The following RAD51B variants were observed in gnomAD, a reference collection of about 807,000 sequenced individuals.
The protein encoded by RAD51B is DNA repair protein RAD51 homolog 2.
RAD51B carries 38 observed loss-of-function variants against 42.2 expected under a neutral mutation model. The ratio of observed to expected loss-of-function variants is 0.90; its 90% CI spans 0.70 to 1.18. RAD51B has a LOEUF of 1.18. Ranked by LOEUF, RAD51B falls within the 50% of genes most tolerant of loss-of-function variation. The pLI, the probability that RAD51B is intolerant of heterozygous loss-of-function variation, is 0.00. For synonymous variants in RAD51B, 154 were observed against 145.2 expected (o/e 1.06, Z -0.43); for missense variants, 373 against 400.7 (o/e 0.93, Z 0.59).
intron 10 of RAD51B, among the ~76,000 whole-genome samples, chr14:68,564,460 G>C (rs544442972): frequency 1.3e-5 from 2 of 152,176 alleles, no homozygotes; most frequent in African/African-American, 4.8e-5. Context: ...AGCAGGGGAC[G>C]GGCTTGTGAG....
At chr14:68,245,187 G>T (rs2080470578) in intron 7 of RAD51B, among the ~76,000 whole-genome samples, 1 of 152,154 alleles carries the variant, frequency 6.6e-6, no homozygotes, top group Non-Finnish European at 1.5e-5. Context: ...AACAAATTGG[G>T]GTGGGTATAA....
At chr14:68,677,818 T>C (rs1265291811) in intron 11 of RAD51B, among the ~76,000 whole-genome samples, 1 of 152,218 alleles carries the variant, frequency 6.6e-6, no homozygotes, top group Non-Finnish European at 1.5e-5. Flanking sequence ...GTGTTACTGC[T>C]GTAGGCCTCT....
intron 5 of RAD51B, among the ~76,000 whole-genome samples, chr14:67,867,281 G>A (rs114194974): frequency 1.4e-3 from 216 of 152,282 alleles, no homozygotes; most frequent in African/African-American, 5.0e-3. Context: ...GCTTACTGCT[G>A]CAGATAACTG....
chr14:68,197,387 A>C (rs561446183), intron 7 of RAD51B, among the ~76,000 whole-genome samples: 1 of 152,146 alleles, frequency 6.6e-6, no homozygotes, highest in African/African-American at 2.4e-5. Flanking sequence ...AATGAGTAGT[A>C]TGCCATTGTA....
At position 68,521,878 on chromosome 14, in the gene RAD51B, C is replaced by T. The variant is rs1415980579; in HGVS notation, c.1036+53628C>T. ...TTGTTAGCCCCTCATATTAAACCTA[C>T]ATTAACCCTATGTTAAATGAAGTTA... On this transcript the variant is annotated intron_variant, in intron 10 of 10. Coordinates refer to the RAD51B transcript ENST00000487270. Among the ~76,000 whole-genome samples, 8 of 152,220 alleles carry T rather than the reference C, an allele frequency of 5.3e-5. No homozygotes were observed. In the East Asian group the frequency reaches 1.5e-3, roughly 29 times the overall value.
In RAD51B at chr14:68,433,119, T is replaced by A. The variant is rs551918288; in HGVS notation, c.957+21592T>A. On this transcript the variant is annotated intron_variant, in intron 9 of 10. Coordinates refer to ENST00000471583, the MANE Select transcript of RAD51B (RefSeq NM_133510.4). The stretch of plus-strand genomic sequence containing the variant: ...GTAGAGTTTCTGCTGAGAGATCAGC[T>A]GTTAGTTTGATGGGCTTCCCTTTGT... Among the ~76,000 whole-genome samples, 15 of 152,380 alleles carry A rather than the reference T, an allele frequency of 9.8e-5. No individual in the cohort carries two copies. The South Asian group carries it at 3.1e-3, about 32-fold the overall frequency.
At chr14:68,466,973 G>A (rs2086002482) in intron 9 of RAD51B, among the ~76,000 whole-genome samples, 1 of 152,190 alleles carries the variant, frequency 6.6e-6, no homozygotes, top group East Asian at 1.9e-4. Context: ...GTTGAATTAA[G>A]ATAGGCCAAG....
At chr14:67,865,230 C>G in intron 5 of RAD51B, 91 bp downstream of exon 5, 1 of 1,201,842 alleles carries the variant, frequency 8.3e-7, no homozygotes, top group Non-Finnish European at 1.1e-6. Flanking sequence ...TTTACCACCC[C>G]TCCCCCTTGC....
intron 7 of RAD51B, among the ~76,000 whole-genome samples, chr14:68,069,164 G>T (rs2076701364): frequency 6.6e-6 from 1 of 152,162 alleles, no homozygotes; most frequent in African/African-American, 2.4e-5. Context: ...AGGCTACTGA[G>T]CAGGGGTATG....
intron 8 of RAD51B, among the ~76,000 whole-genome samples, chr14:68,350,104 T>C (rs2082754944): frequency 6.6e-6 from 1 of 152,228 alleles, no homozygotes; most frequent in Admixed American, 6.5e-5. Flanking sequence ...GAAATCTCTC[T>C]GTGCACATAT....
chr14:68,015,355 A>G (rs965481640), intron 7 of RAD51B, among the ~76,000 whole-genome samples: 6 of 152,302 alleles, frequency 3.9e-5, no homozygotes, highest in Admixed American at 1.3e-4. Flanking sequence ...GGGGAGGCAG[A>G]GGTATATTAT....
intron 10 of RAD51B, among the ~76,000 whole-genome samples, chr14:68,557,989 A>G (rs1358179725): frequency 6.6e-6 from 1 of 152,182 alleles, no homozygotes; most frequent in African/African-American, 2.4e-5. Flanking sequence ...CTAAAGCAAA[A>G]AAAGAAAACT....
At chr14:68,116,444 A>AAAAATGT (rs1452876084) in intron 7 of RAD51B, among the ~76,000 whole-genome samples, 3 of 152,132 alleles carry the variant, frequency 2.0e-5, no homozygotes, top group Admixed American at 6.6e-5. Context: ...GATTCATTCA[A>AAAAATGT]AAAATGTATA....
chr14:68,283,272 C>T (rs980966856), intron 7 of RAD51B, among the ~76,000 whole-genome samples: 3 of 152,190 alleles, frequency 2.0e-5, no homozygotes, highest in African/African-American at 7.2e-5. Flanking sequence ...TTCACCTCCT[C>T]TGCCTTTCTA....
chr14:68,255,357 A>G (rs2080731715), intron 7 of RAD51B, among the ~76,000 whole-genome samples: 1 of 152,200 alleles, frequency 6.6e-6, no homozygotes, highest in Non-Finnish European at 1.5e-5. Flanking sequence ...GAAATAGTTG[A>G]CCTTAGAGGT....
chr14:68,436,905 A>T (rs2085161171), intron 9 of RAD51B, among the ~76,000 whole-genome samples: 1 of 152,170 alleles, frequency 6.6e-6, no homozygotes, highest in African/African-American at 2.4e-5. Flanking sequence ...TATCAGCTGT[A>T]GGAGGCTTTA....
chr14:68,103,416 G>A (rs1387381754), intron 7 of RAD51B, among the ~76,000 whole-genome samples: 1 of 152,102 alleles, frequency 6.6e-6, no homozygotes, highest in Admixed American at 6.6e-5. Context: ...GCCATGAAGA[G>A]TATGATGATA....
chr14:68,522,737 G>A (rs1208185062), intron 10 of RAD51B, among the ~76,000 whole-genome samples: 1 of 152,188 alleles, frequency 6.6e-6, no homozygotes, highest in Non-Finnish European at 1.5e-5. Context: ...ATTAGAGCCT[G>A]GGATTTGAGG....
At chr14:68,151,660 C>T (rs1237833391) in intron 7 of RAD51B, among the ~76,000 whole-genome samples, 1 of 151,236 alleles carries the variant, frequency 6.6e-6, no homozygotes. Context: ...TATTGTTATG[C>T]CTTCAAGTTC....
Sources: allele counts gnomAD v4.1 joint callset (sites outside exome capture counted in the v4.1 genomes callset), GRCh38; gene constraint gnomAD v4.1.1; transcripts MANE v1.5; gene names NCBI Gene and HGNC (gene_info 2026-07-23, HGNC 2026-07-21).